DOCK6: variants seen among roughly 807,000 people sequenced by gnomAD.
DOCK6 encodes dedicator of cytokinesis 6, also known as dedicator of cytokinesis protein 6.
DOCK6 carries 167 observed loss-of-function variants against 230.3 expected under a neutral mutation model. The ratio of observed to expected loss-of-function variants is 0.73; its 90% CI spans 0.64 to 0.82. The LOEUF is 0.82. Among genes scored for constraint, DOCK6 ranks in the 40% least tolerant of loss-of-function variants. The pLI is 0.00. For missense variants in DOCK6, 2,598 were observed against 2,825.8 expected (o/e 0.92, Z 1.83); for synonymous variants, 1,148 against 1,185.0 (o/e 0.97, Z 0.64).
intron 37 of DOCK6, among the ~76,000 whole-genome samples, chr19:11,210,239 A>G (rs1277925026): frequency 1.2e-5 from 1 of 84,142 alleles, no homozygotes; most frequent in Non-Finnish European, 2.4e-5. Flanking sequence ...CCATCCCCTC[A>G]CTGTCTCTTC....
In DOCK6 at chr19:11,236,691, G is replaced by C. The variant is rs959712413; in HGVS notation, c.2160+102C>G. On this transcript the variant is annotated intron_variant, in intron 19 of 47. Transcript: ENST00000294618. This position sits in a 1 kb window ranked among gnomAD's most constrained non-coding sequence, Gnocchi z 5.2. ...CCAGCTGACCAAAGTCACGTCCAAG[G>C]CCTGAGGCCAGACCTCCCCGGCCAT... 5 of 1,512,988 alleles carry C rather than the reference G, an allele frequency of 3.3e-6. No homozygotes were observed. Among genetic ancestry groups the C allele is most frequent in the Middle Eastern group, 1.7e-4 (1 of 5,894 alleles). 93.7% of individuals were successfully genotyped at this position (1,512,988 alleles called of 1,614,324 possible). A position where few individuals can be genotyped will look rare whatever the true frequency, so the allele number is the denominator to read the frequency against.
At chr19:11,259,127 C>T (rs950907141) in intron 1 of DOCK6, among the ~76,000 whole-genome samples, 8 of 152,136 alleles carry the variant, frequency 5.3e-5, no homozygotes, top group African/African-American at 1.9e-4. Context: ...TCACGGCTCA[C>T]TGCAGCCTCA....
At position 11,236,364 on chromosome 19, in the gene DOCK6, T is replaced by A. The variant is rs2079847248; in HGVS notation, c.2374A>T (p.Ile792Phe). Reference sequence around the variant, plus strand: ...CGCTTACCAATCTGGCCACTGATGATCGGGGGCCTGATGACCAGACGCACG... The same window carrying A: ...CGCTTACCAATCTGGCCACTGATGAACGGGGGCCTGATGACCAGACGCACG... ...KLVRLVIRPP[I>F]ISGQIVNLGR... is the part of the protein sequence containing the mutation. Residue 792 changes from isoleucine to phenylalanine, a missense_variant, in exon 20 of 48, where the codon ATC (isoleucine) becomes TTC (phenylalanine). By Grantham distance (21) the Ile-to-Phe change is conservative. Coordinates refer to ENST00000294618, the MANE Select transcript of DOCK6 (RefSeq NM_020812.4). The surrounding 1 kb of genome is among the most constrained non-coding windows in gnomAD (Gnocchi z 5.2). 6.4e-7 allele frequency: 1 copy of A among 1,564,620 alleles called. No homozygotes were observed. The highest frequency in any genetic ancestry group is 8.7e-7 in the Non-Finnish European group (1 of 1,153,642).
At chr19:11,254,480 G>C (rs938122011) in intron 1 of DOCK6, among the ~76,000 whole-genome samples, 2 of 151,928 alleles carry the variant, frequency 1.3e-5, no homozygotes, top group African/African-American at 4.8e-5. Context: ...GATCACCTGA[G>C]GTCAGAAGTT....
At chr19:11,223,165 G>A in intron 24 of DOCK6, 59 bp from the exon 25 acceptor site, 3 of 1,491,382 alleles carry the variant, frequency 2.0e-6, no homozygotes, top group South Asian at 1.2e-5. Context: ...ACAGGGGCTT[G>A]GCTCTCACCA....
intron 24 of DOCK6, among the ~76,000 whole-genome samples, chr19:11,226,476 T>C (rs2079666327): frequency 6.6e-6 from 1 of 152,150 alleles, no homozygotes; most frequent in South Asian, 2.1e-4. Flanking sequence ...CAGGCCAACA[T>C]GGAGAAACAC....
At chr19:11,235,785 T>G in intron 20 of DOCK6, 26 bp from the exon 21 acceptor site, 2 of 1,566,048 alleles carry the variant, frequency 1.3e-6, no homozygotes, top group Non-Finnish European at 1.7e-6. Context: ...GAGGTCAAGT[T>G]CCAGGGCCCA....
intron 14 of DOCK6, chr19:11,240,378 C>A: frequency 7.2e-7 from 1 of 1,383,780 alleles, no homozygotes; most frequent in Non-Finnish European, 9.6e-7. Context: ...TCCCAAAGAC[C>A]TCCCAGATCA....
Position 11,243,210 on chromosome 19 carries a change from ATG to A in DOCK6, c.1386+46_1386+47del. 1 of 1,613,456 alleles carries A rather than the reference ATG, an allele frequency of 6.2e-7. No homozygotes were observed. The highest frequency in any genetic ancestry group is 2.2e-5 in the East Asian group (1 of 44,844). On this transcript the variant is annotated intron_variant, in intron 12 of 47. Transcript: ENST00000294618. This position sits in a 1 kb window ranked among gnomAD's most constrained non-coding sequence, Gnocchi z 6.3. ...AGGGGGCTAGGGGTCCCCAGGGCTA[ATG>A]CAGCCAGCGGGGAGTGGGAGAGTCC...
At position 11,238,291 on chromosome 19, in the gene DOCK6, C is replaced by A; in HGVS notation, c.1657G>T (p.Val553Leu). Residue 553 changes from valine (V) to leucine (L), a missense_variant, in exon 15 of 48, where the codon GTG becomes TTG. Coordinates refer to ENST00000294618, the MANE Select transcript of DOCK6 (RefSeq NM_020812.4). ...CTGAAGTTGAGGCTGTGCGGGTACACGTACAGCAGGTTCCTGTGGGGGGCA... is the reference window on the plus strand; with the variant it reads ...CTGAAGTTGAGGCTGTGCGGGTACAAGTACAGCAGGTTCCTGTGGGGGGCA... ...PHTSYRNLLY[V>L]YPHSLNFSSR... The A allele has an allele frequency of 6.2e-7, 1 of 1,608,630 alleles. No individual in the cohort carries two copies. Among genetic ancestry groups the A allele is most frequent in the Non-Finnish European group, 8.5e-7 (1 of 1,177,654 alleles).
Position 11,223,096 on chromosome 19 carries a change from A to C in DOCK6, c.2966T>G (p.Leu989Arg). ...CAGGCTGGCGTTGAGGTGCTCGGCC[A>C]GCTCCACATCCTGGGGACACAGGTG... ...VITRVHKDVE[L>R]AEHLNASLAF... The change falls in exon 25 of 48, where the codon CTG becomes CGG. Residue 989 changes from leucine to arginine, a missense_variant. Coordinates refer to ENST00000294618, the MANE Select transcript of DOCK6 (RefSeq NM_020812.4). 6.2e-7 allele frequency: 1 copy of C among 1,613,234 alleles called. No individual in the cohort carries two copies. Among genetic ancestry groups the C allele is most frequent in the Middle Eastern group, 1.7e-4 (1 of 5,888 alleles).
chr19:11,243,545 C>A lies in DOCK6; in HGVS notation c.1258+12G>T. ...TAGCCCCGCCCCAAGCCTGTTAGCCCCGCCTCCTCACCGCCCTCCGAGTCA... is the reference window on the plus strand; with the variant it reads ...TAGCCCCGCCCCAAGCCTGTTAGCCACGCCTCCTCACCGCCCTCCGAGTCA... On this transcript the variant is annotated intron_variant, in intron 11 of 47. Coordinates refer to ENST00000294618, the MANE Select transcript of DOCK6 (RefSeq NM_020812.4). This position sits in a 1 kb window ranked among gnomAD's most constrained non-coding sequence, Gnocchi z 6.3. The A allele has an allele frequency of 6.3e-7, 1 of 1,590,464 alleles. No individual in the cohort carries two copies. The highest frequency in any genetic ancestry group is 2.3e-5 in the East Asian group (1 of 43,464).
intron 22 of DOCK6, among the ~76,000 whole-genome samples, chr19:11,229,837 T>C (rs867683956): frequency 3.3e-5 from 5 of 151,312 alleles, no homozygotes; most frequent in Admixed American, 2.0e-4. Context: ...CTGGGCAACA[T>C]AGTCAGACAT....
chr19:11,257,713 C>T (rs759776587), intron 1 of DOCK6, among the ~76,000 whole-genome samples: 7 of 151,788 alleles, frequency 4.6e-5, no homozygotes, highest in Non-Finnish European at 7.4e-5. Flanking sequence ...CACTTGAACC[C>T]GGGAGGTGGA....
rs116548501 is a variant in DOCK6, at chr19:11,239,388, C to T, written c.1644-1084G>A. ...GGCTCAGCATGGTGAGTCTCAGGAACTCCCAGCAGGGTCTGGGGCCCGTCC... is the reference window on the plus strand; with the variant it reads ...GGCTCAGCATGGTGAGTCTCAGGAATTCCCAGCAGGGTCTGGGGCCCGTCC... On this transcript the variant is annotated intron_variant, in intron 14 of 47. Coordinates refer to ENST00000294618, the MANE Select transcript of DOCK6 (RefSeq NM_020812.4). Among the ~76,000 whole-genome samples the T allele has an allele frequency of 6.3e-3, 962 of 152,316 alleles. 10 individuals are homozygous for T. Among genetic ancestry groups the T allele is most frequent in the African/African-American group, 0.022 (934 of 41,560 alleles).
intron 28 of DOCK6, among the ~76,000 whole-genome samples, chr19:11,218,261 C>G (rs963745473): frequency 6.6e-6 from 1 of 152,150 alleles, no homozygotes; most frequent in Admixed American, 6.5e-5. Flanking sequence ...ATTCTCGTGC[C>G]TCAGCCTCCC....
At chr19:11,245,239 C>T (rs751606173) in intron 9 of DOCK6, among the ~76,000 whole-genome samples, 7 of 152,148 alleles carry the variant, frequency 4.6e-5, no homozygotes, top group Non-Finnish European at 1.0e-4. Context: ...ATGAGGGTGC[C>T]AACTATGTCT....
At chr19:11,199,602 G>A in intron 47 of DOCK6, 63 bp from the exon 48 acceptor site, 2 of 1,494,610 alleles carry the variant, frequency 1.3e-6, no homozygotes, top group Middle Eastern at 3.4e-4. Flanking sequence ...AGACCTCCCA[G>A]CCCACATCCT....
In DOCK6 at chr19:11,222,720, G is replaced by T. The variant is rs766845216; in HGVS notation, c.3240+15C>A. 2.6e-6 allele frequency: 4 copies of T among 1,557,978 alleles called. No homozygotes were observed. The East Asian group carries it at 9.5e-5, about 37-fold the overall frequency. ...TGTAGGTCAAAGAGAGGAGGCAGAA[G>T]TGAAGGCAGCCCACCTGGGAGGTGG... On this transcript the variant is annotated intron_variant, in intron 26 of 47. Transcript: ENST00000294618. This position sits in a 1 kb window ranked among gnomAD's most constrained non-coding sequence, Gnocchi z 4.0.
Sources: gnomAD v4.1 joint callset for allele counts (sites outside exome capture counted in the v4.1 genomes callset) on GRCh38, gnomAD v4.1.1 for gene constraint, Gnocchi (gnomAD v3.1) non-coding constraint, MANE v1.5 for transcripts, NCBI Gene and HGNC (gene_info 2026-07-23, HGNC 2026-07-21) for gene names.